The following SYT1 variants were observed in gnomAD, a reference collection of about 807,000 sequenced individuals.
SYT1 encodes the protein synaptotagmin-1.
SYT1 carries 8 observed loss-of-function variants against 44.8 expected under a neutral mutation model. The observed-to-expected ratio is 0.18, with a 90% CI of 0.10 to 0.32. SYT1 has a LOEUF of 0.32. Ranked by LOEUF, SYT1 falls within the 10% of genes least tolerant of loss-of-function variation. The pLI, the probability that SYT1 is intolerant of heterozygous loss-of-function variation, is 1.00. For missense variants in SYT1, 286 were observed against 509.3 expected, an observed-to-expected ratio of 0.56 and a Z score of 4.22; for synonymous variants, 154 against 188.8, an observed-to-expected ratio of 0.82 and a Z score of 1.51.
rs1870954976 is a variant in SYT1 at position 79,449,923 on chromosome 12, C to CGTGTATGTGTGT, written c.*803_*804insATGTGTGTGTGT. On this transcript the variant is annotated 3_prime_UTR_variant, in exon 11 of 11. Coordinates refer to ENST00000261205, the MANE Select transcript of SYT1 (RefSeq NM_005639.3). ...CATATAGAATAACAACAAGGTGTTCCGTGTGTGTGTGTGTGTGTGTGTGTG... is the reference window on the plus strand; with the variant it reads ...CATATAGAATAACAACAAGGTGTTCCGTGTATGTGTGTGTGTGTGTGTGTGTGTGTGTGTGTG... The CGTGTATGTGTGT allele has an allele frequency of 6.9e-6, 1 of 145,894 alleles. No homozygotes were observed. Among genetic ancestry groups the CGTGTATGTGTGT allele is most frequent in the Non-Finnish European group, 1.5e-5 (1 of 66,084 alleles). The allele number at this position is 145,894 out of a possible 1,614,324, so 9.0% of individuals were successfully genotyped here.
intron 1 of SYT1, among the ~76,000 whole-genome samples, chr12:78,977,255 A>G (rs1368183179): frequency 1.3e-5 from 2 of 152,190 alleles, no homozygotes; most frequent in Admixed American, 6.5e-5. Flanking sequence ...GGTAAATAGC[A>G]ATGTCTTTCC....
intron 2 of SYT1, among the ~76,000 whole-genome samples, chr12:79,006,604 C>T (rs1871102758): frequency 6.6e-6 from 1 of 152,012 alleles, no homozygotes; most frequent in Admixed American, 6.6e-5. Context: ...TCTGTCCCAT[C>T]TGTTTTATTT....
intron 1 of SYT1, among the ~76,000 whole-genome samples, chr12:78,962,016 A>G (rs999207101): frequency 1.3e-5 from 2 of 152,062 alleles, no homozygotes; most frequent in African/African-American, 2.4e-5. Context: ...GTATCGGATT[A>G]TGTTGTTTGT....
At chr12:79,076,210 G>A (rs1343694226) in intron 3 of SYT1, among the ~76,000 whole-genome samples, 1 of 152,070 alleles carries the variant, frequency 6.6e-6, no homozygotes, top group East Asian at 1.9e-4. Flanking sequence ...ATTCTCCTCT[G>A]TGTCCCTGTT....
Position 79,274,975 on chromosome 12 carries a change from C to T in SYT1, c.167-10812C>T, listed in dbSNP as rs1411825534. Among the ~76,000 whole-genome samples the T allele has an allele frequency of 3.3e-5, 5 of 152,292 alleles. No homozygotes were observed. In the South Asian group the frequency reaches 8.3e-4, roughly 25 times the overall value. The stretch of plus-strand genomic sequence containing the variant: ...CTGGGAGACCAGAGGACAGATCAGC[C>T]TTGTCCAGCTCCACCCACCACCAGC... On this transcript the variant is annotated intron_variant, in intron 4 of 10. Transcript: ENST00000261205.
rs911556115 is a variant in SYT1, at chr12:79,278,935, G to GC, written c.167-6845dup. Among the ~76,000 whole-genome samples the GC allele has an allele frequency of 6.7e-5, 10 of 148,752 alleles. 1 individual carries two copies. Among genetic ancestry groups the GC allele is most frequent in the Admixed American group, 2.7e-4 (4 of 14,910 alleles). Reference sequence around the variant, plus strand: ...ATAGATAAATTCCTAAAAACATATAGCCCCCCCAAGCCTGAATCAGGAAGA... The same window carrying GC: ...ATAGATAAATTCCTAAAAACATATAGCCCCCCCCAAGCCTGAATCAGGAAGA... On this transcript the variant is annotated intron_variant, in intron 4 of 10. Coordinates refer to ENST00000261205, the MANE Select transcript of SYT1 (RefSeq NM_005639.3).
At chr12:79,011,455 C>A (rs906494151) in intron 2 of SYT1, among the ~76,000 whole-genome samples, 1 of 151,560 alleles carries the variant, frequency 6.6e-6, no homozygotes, top group African/African-American at 2.4e-5. Context: ...TCATCAGAGA[C>A]CCTAAGAATA....
chr12:78,938,905 A>G (rs756530280), intron 1 of SYT1, among the ~76,000 whole-genome samples: 4 of 152,206 alleles, frequency 2.6e-5, no homozygotes, highest in African/African-American at 9.6e-5. Context: ...CACTCTGCTT[A>G]AGAATCACTA....
intron 3 of SYT1, among the ~76,000 whole-genome samples, chr12:79,063,565 G>A (rs971929197): frequency 3.9e-5 from 6 of 152,090 alleles, no homozygotes; most frequent in African/African-American, 1.2e-4. Context: ...TTACACATAA[G>A]TGGAGGAGGG....
chr12:78,937,032 A>C (rs1363379504), intron 1 of SYT1, among the ~76,000 whole-genome samples: 1 of 152,112 alleles, frequency 6.6e-6, no homozygotes, highest in Non-Finnish European at 1.5e-5. Context: ...TATAAAACTG[A>C]CAAGAAGCTT....
intron 2 of SYT1, among the ~76,000 whole-genome samples, chr12:79,013,691 G>T (rs1592661912): frequency 1.3e-5 from 2 of 152,226 alleles, no homozygotes; most frequent in South Asian, 4.1e-4. Context: ...CATCAGATAG[G>T]TTCTTCATTT....
intron 9 of SYT1, among the ~76,000 whole-genome samples, chr12:79,430,256 A>C (rs1333638645): frequency 4.6e-5 from 7 of 152,226 alleles, no homozygotes; most frequent in Non-Finnish European, 1.0e-4. Flanking sequence ...CAGCTGAGTG[A>C]AAGGTGCCTG....
At chr12:79,443,210 T>C (rs533513538) in intron 9 of SYT1, among the ~76,000 whole-genome samples, 1 of 152,286 alleles carries the variant, frequency 6.6e-6, no homozygotes, top group African/African-American at 2.4e-5. Context: ...CCTCGAACAC[T>C]TGAAGTTCTT....
intron 3 of SYT1, among the ~76,000 whole-genome samples, chr12:79,073,531 C>T (rs147844553): frequency 0.015 from 2,229 of 152,164 alleles, 27 homozygotes; most frequent in Middle Eastern, 0.075. Flanking sequence ...AGCATTTCAG[C>T]AGATACTTGA....
intron 3 of SYT1, among the ~76,000 whole-genome samples, chr12:79,122,285 C>T (rs1429196250): frequency 1.3e-5 from 2 of 151,610 alleles, no homozygotes; most frequent in Non-Finnish European, 2.9e-5. Context: ...GAGGCCGAGG[C>T]GGGCGGATCA....
chr12:79,398,910 GTAGCTGATTCTT>G, intron 9 of SYT1, among the ~76,000 whole-genome samples: 1 of 152,122 alleles, frequency 6.6e-6, no homozygotes, highest in Admixed American at 6.6e-5. Flanking sequence ...CATGGCCCTT[GTAGCTGATTCTT>G]CTCCAACCCC....
At chr12:78,888,420 C>T (rs932509331) in intron 1 of SYT1, among the ~76,000 whole-genome samples, 1 of 151,804 alleles carries the variant, frequency 6.6e-6, no homozygotes, top group Non-Finnish European at 1.5e-5. Context: ...TACCACTCTG[C>T]TGAAGGATGA....
At chr12:78,999,673 G>C (rs764377578) in intron 2 of SYT1, among the ~76,000 whole-genome samples, 24 of 152,062 alleles carry the variant, frequency 1.6e-4, no homozygotes, top group Admixed American at 5.9e-4. Context: ...TGTAATGCAG[G>C]GTTCAGTGTA....
At chr12:79,257,955 A>G (rs1399312752) in intron 4 of SYT1, among the ~76,000 whole-genome samples, 1 of 152,212 alleles carries the variant, frequency 6.6e-6, no homozygotes, top group Non-Finnish European at 1.5e-5. Context: ...TTTAGGATGT[A>G]TCACAACATC....
Sources: allele counts gnomAD v4.1 joint callset (sites outside exome capture counted in the v4.1 genomes callset), GRCh38; gene constraint gnomAD v4.1.1; transcripts MANE v1.5; gene names NCBI Gene and HGNC (gene_info 2026-07-23, HGNC 2026-07-21).